The following CREM variants were observed in gnomAD, a reference collection of about 807,000 sequenced individuals.
The protein encoded by CREM is cAMP-responsive element modulator.
CREM carries 13 observed loss-of-function variants against 37.3 expected under a neutral mutation model. The observed-to-expected ratio is 0.35, with a 90% CI of 0.23 to 0.55. The LOEUF is 0.55. Among genes scored for constraint, CREM ranks in the 20% least tolerant of loss-of-function variants. CREM has a pLI of 0.88. For missense variants in CREM, 296 were observed against 362.3 expected, an observed-to-expected ratio of 0.82 and a Z score of 1.49; for synonymous variants, 124 against 120.2, an observed-to-expected ratio of 1.03 and a Z score of -0.21.
chr10:35,201,271 C>T (rs990661471), intron 6 of CREM, among the ~76,000 whole-genome samples: 10 of 152,122 alleles, frequency 6.6e-5, no homozygotes, highest in Non-Finnish European at 1.2e-4. Context: ...TGCGTTTTAA[C>T]TAATATACGG....
intron 6 of CREM, chr10:35,201,435 T>C: frequency 6.4e-7 from 1 of 1,551,312 alleles, no homozygotes; most frequent in South Asian, 1.2e-5. Context: ...TGAGATACTG[T>C]ATCCCCATTT....
chr10:35,206,750 C>A, intron 6 of CREM, 145 bp from the exon 7 acceptor site: 1 of 770,612 alleles, frequency 1.3e-6, no homozygotes, highest in Non-Finnish European at 2.2e-6. Context: ...CTTGAGATTG[C>A]TATAATGCTC....
At chr10:35,134,998 A>T (rs983227940) in intron 1 of CREM, among the ~76,000 whole-genome samples, 1 of 151,888 alleles carries the variant, frequency 6.6e-6, no homozygotes. Context: ...AGATGGTGCC[A>T]CTGCACTCCA....
chr10:35,181,505 T>C (rs1299932848), intron 5 of CREM, among the ~76,000 whole-genome samples: 1 of 152,152 alleles, frequency 6.6e-6, no homozygotes, highest in African/African-American at 2.4e-5. Context: ...AACCTCACTC[T>C]GTGTGTCTGT....
At chr10:35,128,824 C>CT (rs1222607309) in intron 1 of CREM, among the ~76,000 whole-genome samples, 1 of 152,150 alleles carries the variant, frequency 6.6e-6, no homozygotes, top group Non-Finnish European at 1.5e-5. Flanking sequence ...CGCTCCCGGC[C>CT]TTTTTTTCCT....
intron 3 of CREM, among the ~76,000 whole-genome samples, chr10:35,165,688 G>T (rs1290775919): frequency 2.0e-5 from 3 of 151,616 alleles, no homozygotes; most frequent in Non-Finnish European, 2.9e-5. Context: ...TAAAGGTCAT[G>T]TCCATTTTTA....
At chr10:35,206,310 A>G (rs556217053) in intron 6 of CREM, among the ~76,000 whole-genome samples, 33 of 152,122 alleles carry the variant, frequency 2.2e-4, no homozygotes, top group African/African-American at 7.9e-4. Flanking sequence ...ATATATGCAT[A>G]TATACATACA....
At chr10:35,145,984 C>G (rs962842009) in intron 2 of CREM, among the ~76,000 whole-genome samples, 3 of 152,138 alleles carry the variant, frequency 2.0e-5, no homozygotes, top group African/African-American at 7.2e-5. Flanking sequence ...CTCGTTAATT[C>G]TGATGCGAGT....
intron 3 of CREM, among the ~76,000 whole-genome samples, chr10:35,176,620 A>G (rs954517377): frequency 2.0e-5 from 3 of 151,924 alleles, no homozygotes; most frequent in Non-Finnish European, 4.4e-5. Context: ...CGTGTTAGCC[A>G]GGATGGTCTT....
At chr10:35,209,788 T>C (rs2095623888) in intron 7 of CREM, among the ~76,000 whole-genome samples, 2 of 152,306 alleles carry the variant, frequency 1.3e-5, no homozygotes, top group South Asian at 4.1e-4. Flanking sequence ...AATTGGCAAA[T>C]GTGTGTGTTT....
intron 1 of CREM, among the ~76,000 whole-genome samples, chr10:35,136,793 T>G (rs962453677): frequency 1.6e-3 from 31 of 19,044 alleles, no homozygotes; most frequent in African/African-American, 6.8e-3. Context: ...ACTCTCAGTT[T>G]TTTTTTTTTT....
intron 6 of CREM, among the ~76,000 whole-genome samples, chr10:35,190,389 T>C (rs931412100): frequency 7.2e-5 from 11 of 152,356 alleles, no homozygotes; most frequent in African/African-American, 2.6e-4. Flanking sequence ...AAGGGTTTGT[T>C]GTTTCCTCAC....
chr10:35,130,907 T>G (rs1859703660), intron 1 of CREM, among the ~76,000 whole-genome samples: 1 of 152,194 alleles, frequency 6.6e-6, no homozygotes, highest in African/African-American at 2.4e-5. Flanking sequence ...GTTTACAAAG[T>G]AAAATGATAT....
rs945799362 is a variant in CREM, at chr10:35,211,581, C to T, written c.*183C>T. On this transcript the variant is annotated 3_prime_UTR_variant, in exon 8 of 8. Coordinates refer to ENST00000685392, the MANE Select transcript of CREM (RefSeq NM_183011.2). ...GGAATGCAGCCGTGATCACACTTAC[C>T]GAGCTTACTTTGATCTGTTTGTCAA... 33 of 1,555,386 alleles carry T rather than the reference C, an allele frequency of 2.1e-5. No individual in the cohort carries two copies. The highest frequency in any genetic ancestry group is 1.9e-4 in the African/African-American group (14 of 72,924).
intron 3 of CREM, among the ~76,000 whole-genome samples, chr10:35,158,153 G>A (rs754244243): frequency 2.8e-4 from 42 of 152,062 alleles, no homozygotes; most frequent in Non-Finnish European, 2.1e-4. Flanking sequence ...TACCCAAAGC[G>A]GTCTACAGAT....
chr10:35,211,857 CA>C lies in CREM; in HGVS notation c.*461del. On this transcript the variant is annotated 3_prime_UTR_variant, in exon 8 of 8. Coordinates refer to ENST00000685392, the MANE Select transcript of CREM (RefSeq NM_183011.2). ...ATGTATAGTTGCTTTTGAAGGAATA[CA>C]ATATATAGCTGGCAAGAATGGTGGC... 1 of 1,466,948 alleles carries C rather than the reference CA, an allele frequency of 6.8e-7. No homozygotes were observed. Among genetic ancestry groups the C allele is most frequent in the Non-Finnish European group, 9.1e-7 (1 of 1,100,322 alleles). 90.9% of individuals were successfully genotyped at this position (1,466,948 alleles called of 1,614,324 possible). A position where few individuals can be genotyped will look rare whatever the true frequency, so the allele number is the denominator to read the frequency against.
intron 6 of CREM, among the ~76,000 whole-genome samples, chr10:35,201,931 C>G (rs562087302): frequency 2.0e-5 from 3 of 152,278 alleles, no homozygotes; most frequent in African/African-American, 7.2e-5. Context: ...CGAGGAAGTT[C>G]AAATTTTACT....
intron 5 of CREM, among the ~76,000 whole-genome samples, chr10:35,182,426 T>A (rs1590058993): frequency 6.6e-6 from 1 of 151,954 alleles, no homozygotes; most frequent in African/African-American, 2.4e-5. Context: ...TAAAAAAAAA[T>A]TTTAGGTTTA....
At chr10:35,168,789 G>A (rs973836325) in intron 3 of CREM, among the ~76,000 whole-genome samples, 1 of 152,214 alleles carries the variant, frequency 6.6e-6, no homozygotes, top group Non-Finnish European at 1.5e-5. Flanking sequence ...GTGTAAGGAA[G>A]AGATCTGGTT....
Sources: allele counts gnomAD v4.1 joint callset (sites outside exome capture counted in the v4.1 genomes callset), GRCh38; gene constraint gnomAD v4.1.1; transcripts MANE v1.5; gene names NCBI Gene and HGNC (gene_info 2026-07-23, HGNC 2026-07-21).